The following ADGRL2 variants were observed in gnomAD, a reference collection of about 807,000 sequenced individuals.
ADGRL2 encodes the protein adhesion G protein-coupled receptor L2.
In ADGRL2, 44 loss-of-function variants were observed where a neutral mutation model predicts 157.4. That is an observed-to-expected ratio of 0.28 (90% CI 0.22 to 0.36). ADGRL2 has a LOEUF of 0.36. Ranked by LOEUF, ADGRL2 falls within the 10% of genes least tolerant of loss-of-function variation. ADGRL2 has a pLI of 1.00. For synonymous variants in ADGRL2, 585 were observed against 624.7 expected, an observed-to-expected ratio of 0.94 and a Z score of 0.95; for missense variants, 1,510 against 1,768.9, an observed-to-expected ratio of 0.85 and a Z score of 2.63.
At chr1:81,660,746 G>A (rs1315336993) in intron 3 of ADGRL2, among the ~76,000 whole-genome samples, 1 of 152,130 alleles carries the variant, frequency 6.6e-6, no homozygotes, top group African/African-American at 2.4e-5. Context: ...TTCACATAGT[G>A]ATGTCTTATT....
intron 1 of ADGRL2, among the ~76,000 whole-genome samples, chr1:81,817,410 A>G (rs940746259): frequency 2.0e-5 from 3 of 152,010 alleles, no homozygotes; most frequent in Non-Finnish European, 4.4e-5. Context: ...CTTCATCACA[A>G]GAGATCATGA....
chr1:81,762,835 G>C (rs1393788474), intron 2 of ADGRL2, among the ~76,000 whole-genome samples: 2 of 151,638 alleles, frequency 1.3e-5, no homozygotes, highest in Admixed American at 1.3e-4. Context: ...GGCAGATCAC[G>C]AGGTCAGGAG....
At chr1:81,655,757 C>G (rs2148859719) in intron 3 of ADGRL2, among the ~76,000 whole-genome samples, 1 of 152,208 alleles carries the variant, frequency 6.6e-6, no homozygotes, top group East Asian at 1.9e-4. Flanking sequence ...TTTCTCTCTT[C>G]CATGAAACCA....
At chr1:81,903,762 ATATATACACAT>A (rs1557879175) in intron 2 of ADGRL2, among the ~76,000 whole-genome samples, 1 of 147,096 alleles carries the variant, frequency 6.8e-6, no homozygotes, top group African/African-American at 2.5e-5. Context: ...TATACACATT[ATATATACACAT>A]TATATATATA....
chr1:81,768,918 T>TAA (rs371032503), intron 2 of ADGRL2, among the ~76,000 whole-genome samples: 1 of 150,850 alleles, frequency 6.6e-6, no homozygotes, highest in Non-Finnish European at 1.5e-5. Flanking sequence ...CCGTCTCTAC[T>TAA]AAAAAAAAAT....
chr1:81,593,060 T>C (rs2081164425), intron 3 of ADGRL2, among the ~76,000 whole-genome samples: 1 of 152,190 alleles, frequency 6.6e-6, no homozygotes, highest in Non-Finnish European at 1.5e-5. Context: ...ACAAAGTATA[T>C]TAATAATGCC....
chr1:81,903,513 C>T (rs2094525615), intron 2 of ADGRL2, among the ~76,000 whole-genome samples: 1 of 151,772 alleles, frequency 6.6e-6, no homozygotes, highest in Non-Finnish European at 1.5e-5. Flanking sequence ...AAATTTACTA[C>T]TATTTGATGC....
chr1:81,587,563 G>A lies in ADGRL2; in HGVS notation c.-143+6583G>A, dbSNP rs376791685. Among the ~76,000 whole-genome samples the A allele has an allele frequency of 1.1e-4, 17 of 152,220 alleles. 1 individual carries two copies. In the South Asian group the frequency reaches 3.3e-3, roughly 30 times the overall value. On this transcript the variant is annotated intron_variant, in intron 3 of 24. Coordinates refer to the ADGRL2 transcript ENST00000370721. The stretch of plus-strand genomic sequence containing the variant: ...TACAGGCTGTGTGGTAGGAGGAAGA[G>A]TCTATCATAATTCAGCTCCAAATTG...
intron 1 of ADGRL2, among the ~76,000 whole-genome samples, chr1:81,386,365 C>T (rs959752134): frequency 3.3e-5 from 5 of 152,074 alleles, no homozygotes; most frequent in Non-Finnish European, 5.9e-5. Context: ...TGGTTTTATT[C>T]GCTAGCCTCC....
intron 3 of ADGRL2, among the ~76,000 whole-genome samples, chr1:81,588,612 A>G (rs1486135896): frequency 6.6e-6 from 1 of 152,106 alleles, no homozygotes; most frequent in Non-Finnish European, 1.5e-5. Context: ...CATAAACCAC[A>G]TTCTCATAAC....
chr1:81,679,538 T>TAAAAGCCAGG (rs2083065558), intron 3 of ADGRL2, among the ~76,000 whole-genome samples: 1 of 152,200 alleles, frequency 6.6e-6, no homozygotes. Flanking sequence ...AGCTGAGAAT[T>TAAAAGCCAGG]AAAAGCCAGG....
At chr1:81,364,210 A>T (rs927876708) in intron 1 of ADGRL2, among the ~76,000 whole-genome samples, 2 of 147,658 alleles carry the variant, frequency 1.4e-5, no homozygotes, top group African/African-American at 5.0e-5. Context: ...AAAGTTTTCC[A>T]TTTTTTTTTT....
rs1657684787 is a variant in ADGRL2, at chr1:81,968,194, A to T, written c.2518A>T (p.Ile840Phe). The T allele has an allele frequency of 1.9e-6, 3 of 1,611,294 alleles. No homozygotes were observed. The African/African-American group carries it at 4.0e-5, about 22-fold the overall frequency. ...TGCAATTCTCATGGCCCACAGGGAA[A>T]TTGCAGTAAGTATTTGCACTTCTAA... ...NFAILMAHRE[I>F]AYKDGVHELL... The change falls in exon 14 of 24, where the codon ATT becomes TTT. Residue 840 changes from isoleucine (I) to phenylalanine (F), a missense_variant. Ile to Phe is a conservative substitution (Grantham distance 21). Transcript: ENST00000686636.
intron 2 of ADGRL2, among the ~76,000 whole-genome samples, chr1:81,779,119 T>C (rs1384206470): frequency 2.0e-5 from 3 of 152,138 alleles, no homozygotes; most frequent in African/African-American, 7.2e-5. Flanking sequence ...ACTTGGTACA[T>C]ACAAGGCCCT....
chr1:81,697,043 C>G (rs1387033268), upstream of ADGRL2, among the ~76,000 whole-genome samples: 1 of 152,096 alleles, frequency 6.6e-6, no homozygotes, highest in East Asian at 1.9e-4. Context: ...GTATTTTAAT[C>G]AAAATACTCA....
At chr1:81,752,771 T>C (rs1374886320) in intron 1 of ADGRL2, among the ~76,000 whole-genome samples, 1 of 152,218 alleles carries the variant, frequency 6.6e-6, no homozygotes, top group Non-Finnish European at 1.5e-5. Flanking sequence ...TGTTTTCTTT[T>C]GTCTTAAAGG....
intron 3 of ADGRL2, among the ~76,000 whole-genome samples, chr1:81,917,901 G>A (rs922447327): frequency 2.6e-5 from 4 of 152,146 alleles, no homozygotes; most frequent in Admixed American, 1.3e-4. Context: ...CTTCACTTGC[G>A]TGGGTCTCTT....
intron 1 of ADGRL2, among the ~76,000 whole-genome samples, chr1:81,316,143 G>A (rs12067198): frequency 0.45 from 67,213 of 150,550 alleles, 15,300 homozygotes; most frequent in Middle Eastern, 0.54. Flanking sequence ...AAAAAAAAAA[G>A]AAAAAAGAAG....
chr1:81,594,921 G>A (rs1209878413), intron 3 of ADGRL2, among the ~76,000 whole-genome samples: 3 of 152,208 alleles, frequency 2.0e-5, no homozygotes, highest in African/African-American at 7.2e-5. Context: ...AAGTGAAGCA[G>A]CAAACACATT....
Sources: allele counts gnomAD v4.1 joint callset (sites outside exome capture counted in the v4.1 genomes callset), GRCh38; gene constraint gnomAD v4.1.1; transcripts MANE v1.5; gene names NCBI Gene and HGNC (gene_info 2026-07-23, HGNC 2026-07-21).